The following TFIP11 variants were observed in gnomAD, a reference collection of about 807,000 sequenced individuals.
TFIP11 encodes tuftelin interacting protein 11.
Under a neutral mutation model 96.8 loss-of-function variants are expected in TFIP11, and 86 were observed. The observed-to-expected ratio is 0.89, with a 90% CI of 0.75 to 1.06. The LOEUF is 1.06. Among genes scored for constraint, TFIP11 ranks in the 50% least tolerant of loss-of-function variants. TFIP11 has a pLI of 0.00. For missense variants in TFIP11, 881 were observed against 1,076.7 expected (o/e 0.82, Z 2.54); for synonymous variants, 405 against 395.2 (o/e 1.02, Z -0.29).
At chr22:26,502,523 G>C (rs114879656) in intron 7 of TFIP11, among the ~76,000 whole-genome samples, 1,546 of 152,270 alleles carry the variant, frequency 0.01, 26 homozygotes, top group African/African-American at 0.035. Context: ...TCTAGAGGAG[G>C]AGCTAAGGCA....
At chr22:26,505,626 T>A (rs990510541) in intron 6 of TFIP11, among the ~76,000 whole-genome samples, 5 of 152,154 alleles carry the variant, frequency 3.3e-5, no homozygotes, top group African/African-American at 1.2e-4. Context: ...CCAGGCAAAA[T>A]CTAGAATTTT....
chr22:26,496,152 G>T lies in TFIP11; in HGVS notation c.1770C>A (p.Leu590=). Reference sequence around the variant, plus strand: ...AGACATCCTTCCAGGGCTGGAGGATGAGCTTGGCAGAGGAGTCGCTGGGGT... The same window carrying T: ...AGACATCCTTCCAGGGCTGGAGGATTAGCTTGGCAGAGGAGTCGCTGGGGT... The part of the protein sequence containing the change: ...KWHPSDSSAK[L]ILQPWKDVFT... Residue 590 remains leucine, a synonymous_variant, in exon 12 of 15, where the codon CTC becomes CTA. Coordinates refer to ENST00000407690, the MANE Select transcript of TFIP11 (RefSeq NM_012143.4). 1.2e-6 allele frequency: 2 copies of T among 1,613,974 alleles called. No homozygotes were observed. Among genetic ancestry groups the T allele is most frequent in the Non-Finnish European group, 8.5e-7 (1 of 1,180,030 alleles).
At chr22:26,505,569 T>C (rs908830435) in intron 6 of TFIP11, among the ~76,000 whole-genome samples, 3 of 152,178 alleles carry the variant, frequency 2.0e-5, no homozygotes, top group African/African-American at 7.2e-5. Flanking sequence ...GAGAAGGCCA[T>C]GTCCATCGTC....
At chr22:26,500,298 T>C (rs2147133933) in intron 8 of TFIP11, among the ~76,000 whole-genome samples, 1 of 152,060 alleles carries the variant, frequency 6.6e-6, no homozygotes, top group East Asian at 1.9e-4. Flanking sequence ...GCCTCCCAAG[T>C]AGCTGGGACT....
At chr22:26,499,652 G>T in intron 8 of TFIP11, 21 bp from the exon 9 acceptor site, 1 of 1,590,274 alleles carries the variant, frequency 6.3e-7, no homozygotes, top group Non-Finnish European at 8.6e-7. Context: ...ATAGAGGGAT[G>T]AAGGTTAACA....
At chr22:26,493,347 T>C (rs981435014) in intron 14 of TFIP11, 1 of 152,194 alleles carries the variant, frequency 6.6e-6, no homozygotes, top group Non-Finnish European at 1.5e-5. Context: ...ATAACAAGAA[T>C]TAAAGACTCA....
At chr22:26,493,371 C>T (rs749248611) in intron 14 of TFIP11, 1 of 152,246 alleles carries the variant, frequency 6.6e-6, no homozygotes, top group African/African-American at 2.4e-5. Context: ...AATAGAAATT[C>T]CAGTTCTAAC....
Position 26,506,550 on chromosome 22 carries a change from T to A in TFIP11, c.364-91A>T, listed in dbSNP as rs2147145269. ...TTGGCCAACAGGAAAATGGCCTAAG[T>A]TATACAGCACTATGAAAAGTGTCAT... On this transcript the variant is annotated intron_variant, in intron 5 of 14. Transcript: ENST00000407690. The A allele has an allele frequency of 2.7e-6, 4 of 1,485,370 alleles. No homozygotes were observed. The East Asian group carries it at 9.2e-5, about 34-fold the overall frequency. 92.0% of individuals were successfully genotyped at this position (1,485,370 alleles called of 1,614,324 possible).
intron 6 of TFIP11, 104 bp from the exon 7 acceptor site, chr22:26,503,897 A>C: frequency 1.4e-6 from 2 of 1,430,182 alleles, no homozygotes; most frequent in Non-Finnish European, 1.9e-6. Flanking sequence ...CCTTCCACAA[A>C]ATAACATGCT....
At chr22:26,505,251 A>G (rs1165514198) in intron 6 of TFIP11, among the ~76,000 whole-genome samples, 2 of 152,172 alleles carry the variant, frequency 1.3e-5, no homozygotes, top group African/African-American at 2.4e-5. Context: ...TCAAGAAGGT[A>G]AGAGTGTGAC....
intron 5 of TFIP11, 101 bp downstream of exon 5, chr22:26,506,674 G>A (rs1923451639): frequency 2.3e-5 from 35 of 1,492,608 alleles, no homozygotes; most frequent in Non-Finnish European, 2.7e-5. Context: ...AGACACTCAC[G>A]AAATTCATTC....
At chr22:26,501,741 C>T (rs1922807503) in intron 8 of TFIP11, among the ~76,000 whole-genome samples, 159 bp downstream of exon 8, 1 of 137,158 alleles carries the variant, frequency 7.3e-6, no homozygotes, top group South Asian at 2.6e-4. Flanking sequence ...TGAGCATGTT[C>T]CTATTCATTA....
Position 26,496,892 on chromosome 22 carries a change from A to C in TFIP11, c.1437-3T>G. ...GCATCCAGACTTCCCATATCAACCT[A>C]TGGGAGAAAGGCAGAGGACAGGCTG... On this transcript the variant is annotated splice_region_variant and splice_polypyrimidine_tract_variant and intron_variant, in intron 10 of 14. Coordinates refer to ENST00000407690, the MANE Select transcript of TFIP11 (RefSeq NM_012143.4). 6.2e-7 allele frequency: 1 copy of C among 1,613,780 alleles called. No individual in the cohort carries two copies. The highest frequency in any genetic ancestry group is 8.5e-7 in the Non-Finnish European group (1 of 1,180,012).
Position 26,503,793 on chromosome 22 carries a change from C to A in TFIP11, c.521G>T (p.Gly174Val). 1 of 1,609,580 alleles carries A rather than the reference C, an allele frequency of 6.2e-7. No individual in the cohort carries two copies. The highest frequency in any genetic ancestry group is 8.5e-7 in the Non-Finnish European group (1 of 1,178,846). Residue 174 changes from glycine to valine, a missense_variant and splice_region_variant, in exon 7 of 15, where the codon GGT becomes GTT. Coordinates refer to ENST00000407690, the MANE Select transcript of TFIP11 (RefSeq NM_012143.4). ...CTTGGCTTCAATTGGGTTAATGATA[C>A]CTGAGGAATTTCAGCAAAAAAAAAA... ...PGRGLGKNAQ[G>V]IINPIEAKQR... is the part of the protein sequence containing the mutation.
At chr22:26,493,994 G>A in intron 14 of TFIP11, 145 bp downstream of exon 14, 1 of 850,684 alleles carries the variant, frequency 1.2e-6, no homozygotes, top group Non-Finnish European at 1.8e-6. Context: ...CCAGTCAGCA[G>A]GGTGAGAGTC....
intron 7 of TFIP11, among the ~76,000 whole-genome samples, chr22:26,502,471 C>A (rs1922913740): frequency 6.6e-6 from 1 of 152,174 alleles, no homozygotes. Context: ...CCCTAACTCT[C>A]AAAGCAAAGG....
chr22:26,497,737 A>G (rs981292135), intron 10 of TFIP11, among the ~76,000 whole-genome samples: 2 of 152,034 alleles, frequency 1.3e-5, no homozygotes, highest in African/African-American at 4.8e-5. Context: ...TTAGCTGGGC[A>G]TGGTGGCGAG....
intron 13 of TFIP11, 157 bp from the exon 14 acceptor site, chr22:26,494,461 T>C: frequency 1.1e-6 from 1 of 925,486 alleles, no homozygotes; most frequent in Non-Finnish European, 1.6e-6. Context: ...CTTATGAATA[T>C]GGATTTTGGA....
At chr22:26,498,109 G>C (rs1014203349) in intron 10 of TFIP11, among the ~76,000 whole-genome samples, 6 of 152,176 alleles carry the variant, frequency 3.9e-5, no homozygotes. Flanking sequence ...TCTAAGTGAA[G>C]TAACTCAAGA....
Sources: gnomAD v4.1 joint callset for allele counts (sites outside exome capture counted in the v4.1 genomes callset) on GRCh38, gnomAD v4.1.1 for gene constraint, MANE v1.5 for transcripts, NCBI Gene and HGNC (gene_info 2026-07-23, HGNC 2026-07-21) for gene names.